NIPA1: variants seen among roughly 807,000 people sequenced by gnomAD.
The protein encoded by NIPA1 is magnesium transporter NIPA1.
Under a neutral mutation model 23.9 loss-of-function variants are expected in NIPA1, and 13 were observed. That is an observed-to-expected ratio of 0.54 (90% CI 0.35 to 0.87). NIPA1 has a LOEUF of 0.87. NIPA1 is among the 40% of genes least tolerant of loss of function. NIPA1 has a pLI of 0.01. For synonymous variants in NIPA1, 234 were observed against 202.9 expected, an observed-to-expected ratio of 1.15 and a Z score of -1.30; for missense variants, 362 against 429.7, an observed-to-expected ratio of 0.84 and a Z score of 1.39.
At chr15:22,806,113 C>T (rs1052571215) in intron 1 of NIPA1, among the ~76,000 whole-genome samples, 6 of 152,082 alleles carry the variant, frequency 3.9e-5, no homozygotes, top group East Asian at 1.9e-4. Context: ...TTAGCAGAGA[C>T]GGGGTTTCAC....
chr15:22,820,980 C>CTTTTTTTT (rs34707760), intron 4 of NIPA1, among the ~76,000 whole-genome samples: 3 of 140,420 alleles, frequency 2.1e-5, no homozygotes, highest in East Asian at 2.1e-4. Flanking sequence ...CTTTTCTTTT[C>CTTTTTTTT]TTTTTTTTTT....
chr15:22,810,890 T>A, intron 2 of NIPA1, 94 bp downstream of exon 2: 1 of 986,390 alleles, frequency 1.0e-6, no homozygotes, highest in Non-Finnish European at 1.6e-6. Context: ...AGGGTGGCTC[T>A]GTTCTTTGGA....
At chr15:22,798,263 A>G (rs1192466020) in intron 1 of NIPA1, among the ~76,000 whole-genome samples, 212 of 136,822 alleles carry the variant, frequency 1.5e-3, no homozygotes, top group African/African-American at 5.4e-3. Flanking sequence ...TTTTGGAGAC[A>G]GAATCTCGCT....
Position 22,812,200 on chromosome 15 carries a change from G to T in NIPA1, c.264G>T (p.Thr88=). 2 of 1,613,792 alleles carry T rather than the reference G, an allele frequency of 1.2e-6. No individual in the cohort carries two copies. Residue 88 remains threonine, a synonymous_variant, in exon 3 of 5, where the codon ACG becomes ACT. Coordinates refer to ENST00000337435, the MANE Select transcript of NIPA1 (RefSeq NM_144599.5). ...VGQIGNFLAY[T]AVPTVLVTPL... is the part of the protein sequence containing the mutation. ...AGATTGGAAACTTCCTGGCTTACACGGCGGTCCCCACGGTCCTGGTAACCC... is the reference window on the plus strand; with the variant it reads ...AGATTGGAAACTTCCTGGCTTACACTGCGGTCCCCACGGTCCTGGTAACCC...
intron 1 of NIPA1, among the ~76,000 whole-genome samples, chr15:22,803,380 C>T (rs1163465893): frequency 4.0e-5 from 6 of 151,384 alleles, no homozygotes; most frequent in Admixed American, 1.3e-4. Flanking sequence ...TATATACTCA[C>T]ACATATATAC....
chr15:22,819,343 C>T (rs11638565), intron 3 of NIPA1: 44,187 of 151,952 alleles, frequency 0.29, 6,634 homozygotes, highest in Non-Finnish European at 0.32. Flanking sequence ...TCCTCCCGGA[C>T]GTTCCTGTTT....
At chr15:22,815,368 G>T (rs1347331373) in intron 3 of NIPA1, among the ~76,000 whole-genome samples, 2 of 152,098 alleles carry the variant, frequency 1.3e-5, no homozygotes, top group Non-Finnish European at 2.9e-5. Context: ...ATCTAGGCCA[G>T]GTGCAGTGTG....
chr15:22,818,859 G>A (rs577792705), intron 3 of NIPA1, among the ~76,000 whole-genome samples: 16 of 152,308 alleles, frequency 1.1e-4, no homozygotes, highest in Non-Finnish European at 2.2e-4. Flanking sequence ...AATGGAATAA[G>A]AGATGATTTG....
rs750928789 is a variant in NIPA1 at position 22,786,736 on chromosome 15, C to CCGTGTCGCTCGGCCTGGGCGTGGCCGT, written c.88_114dup (p.Leu30_Ser38dup). The CCGTGTCGCTCGGCCTGGGCGTGGCCGT allele has an allele frequency of 1.3e-5, 17 of 1,267,138 alleles. No homozygotes were observed. The highest frequency in any genetic ancestry group is 1.7e-5 in the Non-Finnish European group (17 of 987,020). 78.5% of individuals were successfully genotyped at this position (1,267,138 alleles called of 1,614,324 possible). A position where few individuals can be genotyped will look rare whatever the true frequency, so the allele number is the denominator to read the frequency against. On this transcript the variant is annotated inframe_insertion, in exon 1 of 5. Transcript: ENST00000337435. ...GGGGCGCGTAGCCCGAGCCCCGCCGCCGTGTCGCTCGGCCTGGGCGTGGCC... is the reference window on the plus strand; with the variant it reads ...GGGGCGCGTAGCCCGAGCCCCGCCGCCGTGTCGCTCGGCCTGGGCGTGGCCGTCGTGTCGCTCGGCCTGGGCGTGGCC...
In NIPA1 at chr15:22,788,825, A is replaced by G. The variant is rs538954486; in HGVS notation, c.178+1991A>G. On this transcript the variant is annotated intron_variant, in intron 1 of 4. Transcript: ENST00000337435. The stretch of plus-strand genomic sequence containing the variant: ...TCCCAGCTACTCGGGAGGCTGAGGC[A>G]GGAGAATTGCTTGAACCCAGGAGGG... 3.7e-4 allele frequency among the ~76,000 whole-genome samples: 55 copies of G among 147,738 alleles called. 1 individual carries two copies. The South Asian group carries it at 0.012, about 31-fold the overall frequency.
chr15:22,787,477 G>A (rs893969691), intron 1 of NIPA1, among the ~76,000 whole-genome samples: 1 of 152,238 alleles, frequency 6.6e-6, no homozygotes, highest in African/African-American at 2.4e-5. Flanking sequence ...CTTCAGTTTG[G>A]AGAACACGCG....
At chr15:22,800,022 G>T (rs1048645852) in intron 1 of NIPA1, among the ~76,000 whole-genome samples, 1 of 151,316 alleles carries the variant, frequency 6.6e-6, no homozygotes, top group East Asian at 1.9e-4. Flanking sequence ...GAGGGGAAGG[G>T]TAGAAGACTG....
chr15:22,812,060 T>C, intron 2 of NIPA1, 103 bp from the exon 3 acceptor site: 1 of 880,106 alleles, frequency 1.1e-6, no homozygotes, highest in African/African-American at 1.7e-5. Context: ...GTAATGTGAA[T>C]GAAGTAGCCC....
At chr15:22,800,900 C>T (rs959843047) in intron 1 of NIPA1, among the ~76,000 whole-genome samples, 5 of 148,620 alleles carry the variant, frequency 3.4e-5, no homozygotes, top group Non-Finnish European at 7.4e-5. Flanking sequence ...CACTGCACTC[C>T]AGCCTGGGCG....
chr15:22,790,422 CT>C (rs201663769), intron 1 of NIPA1, among the ~76,000 whole-genome samples: 32,919 of 133,070 alleles, frequency 0.25, 4,589 homozygotes, highest in Non-Finnish European at 0.35. Flanking sequence ...TCCCAAAGTG[CT>C]TTTTTTTTTT....
chr15:22,788,981 T>C (rs547836243), intron 1 of NIPA1, among the ~76,000 whole-genome samples: 8 of 151,078 alleles, frequency 5.3e-5, no homozygotes, highest in Non-Finnish European at 1.2e-4. Context: ...CTTTCATTCA[T>C]TTATTTATTT....
At chr15:22,795,377 ACT>A (rs934836240) in intron 1 of NIPA1, among the ~76,000 whole-genome samples, 31 of 151,732 alleles carry the variant, frequency 2.0e-4, no homozygotes, top group African/African-American at 6.8e-4. Context: ...CCGCTGGGCG[ACT>A]CTCCAGCAGC....
intron 1 of NIPA1, among the ~76,000 whole-genome samples, chr15:22,806,130 A>G (rs548448019): frequency 2.0e-5 from 3 of 152,144 alleles, no homozygotes; most frequent in South Asian, 2.1e-4. Flanking sequence ...TCACCGTGTT[A>G]GCCAGGATGG....
chr15:22,824,304 A>T lies in NIPA1; in HGVS notation c.*65A>T. The T allele has an allele frequency of 3.0e-6, 4 of 1,348,054 alleles. No individual in the cohort carries two copies. The highest frequency in any genetic ancestry group is 4.3e-6 in the Non-Finnish European group (4 of 938,766). 83.5% of individuals were successfully genotyped at this position (1,348,054 alleles called of 1,614,324 possible). ...GGAGGTGGTTTCTGGCCGTGATTGGATGTGAAGTAGAAGAGGTCCTCGATC... is the reference window on the plus strand; with the variant it reads ...GGAGGTGGTTTCTGGCCGTGATTGGTTGTGAAGTAGAAGAGGTCCTCGATC... On this transcript the variant is annotated 3_prime_UTR_variant, in exon 5 of 5. Coordinates refer to ENST00000337435, the MANE Select transcript of NIPA1 (RefSeq NM_144599.5). This position sits in a 1 kb window ranked among gnomAD's most constrained non-coding sequence, Gnocchi z 4.1.
Sources: allele counts gnomAD v4.1 joint callset (sites outside exome capture counted in the v4.1 genomes callset), GRCh38; gene constraint gnomAD v4.1.1; non-coding constraint Gnocchi (gnomAD v3.1); transcripts MANE v1.5; gene names NCBI Gene and HGNC (gene_info 2026-07-23, HGNC 2026-07-21).